MACC1: variants seen among roughly 807,000 people sequenced by gnomAD.
MACC1 encodes the protein MET transcriptional regulator MACC1.
In MACC1, 79 loss-of-function variants were observed where a neutral mutation model predicts 70.7. That is an observed-to-expected ratio of 1.12 (90% CI 0.93 to 1.35). The LOEUF (loss-of-function observed/expected upper bound fraction) is 1.35. Ranked by LOEUF, MACC1 falls within the 40% of genes most tolerant of loss-of-function variation. The probability of loss-of-function intolerance (pLI) is 0.00; values close to 1 mark genes in which losing one functional copy is unlikely to be tolerated. For synonymous variants in MACC1, 361 were observed against 347.2 expected (o/e 1.04, Z -0.44); for missense variants, 1,106 against 978.1 (o/e 1.13, Z -1.74).
At chr7:20,163,406 C>A (rs1782165455) in intron 3 of MACC1, among the ~76,000 whole-genome samples, 2 of 152,218 alleles carry the variant, frequency 1.3e-5, no homozygotes, top group African/African-American at 4.8e-5. Context: ...CCAACAATTC[C>A]AATCCCAGTT....
intron 1 of MACC1, among the ~76,000 whole-genome samples, chr7:20,177,483 C>G (rs73685405): frequency 0.026 from 3,932 of 152,090 alleles, 187 homozygotes; most frequent in African/African-American, 0.09. Flanking sequence ...GCTGTTAAAC[C>G]ATATAAGTAT....
intron 1 of MACC1, among the ~76,000 whole-genome samples, chr7:20,175,306 C>A (rs1037419541): frequency 7.9e-5 from 12 of 151,932 alleles, no homozygotes; most frequent in African/African-American, 2.9e-4. Context: ...CTGTTACCAC[C>A]AATATCATAA....
chr7:20,158,570 C>G lies in MACC1; in HGVS notation c.1791G>C (p.Trp597Cys), dbSNP rs1472825449. 6.2e-7 allele frequency: 1 copy of G among 1,613,988 alleles called. No individual in the cohort carries two copies. The highest frequency in any genetic ancestry group is 8.5e-7 in the Non-Finnish European group (1 of 1,179,938). The change falls in exon 5 of 7, where the codon TGG (tryptophan) becomes TGC (cysteine). Residue 597 changes from tryptophan to cysteine, a missense_variant. Coordinates refer to ENST00000400331, the MANE Select transcript of MACC1 (RefSeq NM_182762.4). ...KAIGQSKVKE[W>C]YVGVLRGKIG... ...TCTTACCTCTGAGGACTCCTACATACCATTCTTTCACTTTGGACTGACCAA... is the reference window on the plus strand; with the variant it reads ...TCTTACCTCTGAGGACTCCTACATAGCATTCTTTCACTTTGGACTGACCAA...
intron 1 of MACC1, among the ~76,000 whole-genome samples, chr7:20,190,094 T>C (rs977535012): frequency 6.6e-6 from 1 of 152,204 alleles, no homozygotes; most frequent in Non-Finnish European, 1.5e-5. Context: ...CTCCTAATTC[T>C]GTCACAATGG....
At chr7:20,181,902 A>G (rs927878445) in intron 1 of MACC1, among the ~76,000 whole-genome samples, 6 of 152,212 alleles carry the variant, frequency 3.9e-5, no homozygotes, top group Non-Finnish European at 5.9e-5. Context: ...ACAGATTATT[A>G]GAACTAATGA....
chr7:20,136,468 T>C lies in MACC1; in HGVS notation c.*4478A>G, dbSNP rs926388697. 6.6e-6 allele frequency: 1 copy of C among 152,166 alleles called. No individual in the cohort carries two copies. Among genetic ancestry groups the C allele is most frequent in the African/African-American group, 2.4e-5 (1 of 41,442 alleles). The allele number at this position is 152,166 out of a possible 1,614,324, so 9.4% of individuals were successfully genotyped here. On this transcript the variant is annotated 3_prime_UTR_variant, in exon 7 of 7. Transcript: ENST00000400331. ...ACATAAATAGAAAATCAATGTAAAA[T>C]ATACATGCAAAAGATACACATTTCT...
At chr7:20,174,825 A>G (rs2128105019) in intron 1 of MACC1, among the ~76,000 whole-genome samples, 1 of 152,232 alleles carries the variant, frequency 6.6e-6, no homozygotes, top group South Asian at 2.1e-4. Flanking sequence ...GCCTTTCAAG[A>G]ACAATTTACA....
intron 1 of MACC1, among the ~76,000 whole-genome samples, chr7:20,171,347 G>C (rs1782303549): frequency 6.6e-6 from 1 of 151,300 alleles, no homozygotes; most frequent in South Asian, 2.1e-4. Context: ...CGCCTCCCAG[G>C]TTCACACCAT....
chr7:20,172,996 C>T (rs1410069011), intron 1 of MACC1, among the ~76,000 whole-genome samples: 1 of 152,200 alleles, frequency 6.6e-6, no homozygotes, highest in East Asian at 1.9e-4. Context: ...TTCTTGCTTT[C>T]TACCTCCTTA....
intron 2 of MACC1, among the ~76,000 whole-genome samples, chr7:20,169,195 T>C (rs955443338): frequency 6.6e-6 from 1 of 152,196 alleles, no homozygotes; most frequent in Non-Finnish European, 1.5e-5. Flanking sequence ...ATATTCCCAG[T>C]GATATGTCTC....
rs958898636 is a variant in MACC1 at position 20,158,896 on chromosome 7, C to G, written c.1465G>C (p.Val489Leu). The change falls in exon 5 of 7, where the codon GTG (valine) becomes CTG (leucine). Residue 489 changes from valine to leucine, a missense_variant. Val to Leu is a conservative substitution (Grantham distance 32). Transcript: ENST00000400331. The part of the protein sequence containing the change: ...EMHLFDFCVQ[V>L]EPPNGEPVAQ... ...ACTGGTTCACCATTGGGAGGCTCCA[C>G]TTGAACACAAAAATCAAACAAGTGC... 1 of 1,613,904 alleles carries G rather than the reference C, an allele frequency of 6.2e-7. No homozygotes were observed. The highest frequency in any genetic ancestry group is 1.3e-5 in the African/African-American group (1 of 74,906).
intron 1 of MACC1, among the ~76,000 whole-genome samples, chr7:20,184,823 GA>G (rs1481695512): frequency 1.3e-5 from 2 of 152,050 alleles, no homozygotes; most frequent in Non-Finnish European, 2.9e-5. Context: ...TTTTCCCAAG[GA>G]AAGTTTATTC....
Position 20,160,090 on chromosome 7 carries a change from T to C in MACC1, c.271A>G (p.Asn91Asp). Residue 91 changes from asparagine (N) to aspartate (D), a missense_variant, in exon 5 of 7, where the codon AAT (asparagine) becomes GAT (aspartate). By Grantham distance (23) the Asn-to-Asp change is conservative (BLOSUM62 1). Transcript: ENST00000400331. ...ITQLRNNRKR[N>D]NISILKEDPF... is the part of the protein sequence containing the mutation. ...TCTTCCTTTAAGATGGAAATATTAT[T>C]TCTCTTCCTGTTATTTCTTAGTTGA... 6.2e-7 allele frequency: 1 copy of C among 1,612,408 alleles called. No homozygotes were observed.
intron 1 of MACC1, among the ~76,000 whole-genome samples, chr7:20,182,390 A>T (rs1782523596): frequency 6.6e-6 from 1 of 152,174 alleles, no homozygotes; most frequent in East Asian, 1.9e-4. Context: ...TGGAGACAAA[A>T]GTGACTCCAT....
intron 4 of MACC1, among the ~76,000 whole-genome samples, chr7:20,161,433 G>A (rs1251274968): frequency 6.6e-6 from 1 of 151,900 alleles, no homozygotes; most frequent in Non-Finnish European, 1.5e-5. Flanking sequence ...TGAGGATCAG[G>A]TTAATTTTTT....
intron 1 of MACC1, among the ~76,000 whole-genome samples, chr7:20,211,002 T>A (rs189041952): frequency 6.6e-6 from 1 of 152,218 alleles, no homozygotes; most frequent in Non-Finnish European, 1.5e-5. Flanking sequence ...ATAGCACTTA[T>A]TTGAGATCTG....
intron 4 of MACC1, 81 bp downstream of exon 4, chr7:20,161,667 A>T: frequency 1.3e-6 from 1 of 782,764 alleles, no homozygotes; most frequent in Non-Finnish European, 2.1e-6. Context: ...CAGCATTTTC[A>T]GAGGTAGACC....
intron 6 of MACC1, among the ~76,000 whole-genome samples, chr7:20,142,397 T>G (rs10231585): frequency 0.55 from 84,252 of 152,002 alleles, 24,628 homozygotes; most frequent in East Asian, 0.84. Flanking sequence ...CATTTCCTCA[T>G]CTCTCTCGAC....
chr7:20,150,921 G>A (rs536959919), intron 6 of MACC1, among the ~76,000 whole-genome samples: 4 of 152,176 alleles, frequency 2.6e-5, no homozygotes, highest in South Asian at 2.1e-4. Context: ...GGTGGCATGC[G>A]CCTGTAATCC....
Sources: gnomAD v4.1 joint callset for allele counts (sites outside exome capture counted in the v4.1 genomes callset) on GRCh38, gnomAD v4.1.1 for gene constraint, MANE v1.5 for transcripts, NCBI Gene and HGNC (gene_info 2026-07-23, HGNC 2026-07-21) for gene names.